ARMH3: variants seen among roughly 807,000 people sequenced by gnomAD.
ARMH3 encodes the protein armadillo-like helical domain-containing protein 3.
Under a neutral mutation model 99.1 loss-of-function variants are expected in ARMH3, and 60 were observed. The observed-to-expected ratio is 0.61, with a 90% CI of 0.49 to 0.75. The LOEUF (loss-of-function observed/expected upper bound fraction) is 0.75. ARMH3 is among the 30% of genes least tolerant of loss of function. The pLI is 0.00. For missense variants in ARMH3, 679 were observed against 843.1 expected, an observed-to-expected ratio of 0.81 and a Z score of 2.41; for synonymous variants, 285 against 292.8, an observed-to-expected ratio of 0.97 and a Z score of 0.27.
intron 5 of ARMH3, among the ~76,000 whole-genome samples, chr10:102,028,366 T>C (rs1487545225): frequency 1.3e-5 from 2 of 152,080 alleles, no homozygotes; most frequent in African/African-American, 4.8e-5. Context: ...TGGGTCAACA[T>C]AGCAAGACCT....
Position 101,846,343 on chromosome 10 carries a change from G to C in ARMH3, c.*1185C>G, listed in dbSNP as rs1265432357. On this transcript the variant is annotated 3_prime_UTR_variant, in exon 26 of 26. Coordinates refer to ENST00000370033, the MANE Select transcript of ARMH3 (RefSeq NM_024541.3). ...ACACGTGGAGGGGAGCTCAGCAGAG[G>C]CAGGAGAGGCTGCCAGAGGAGGGGG... The C allele has an allele frequency of 6.6e-6, 1 of 152,166 alleles. No individual in the cohort carries two copies. The highest frequency in any genetic ancestry group is 2.4e-5 in the African/African-American group (1 of 41,226). 9.4% of individuals were successfully genotyped at this position (152,166 alleles called of 1,614,324 possible).
At chr10:102,025,732 C>T (rs1590201917) in intron 5 of ARMH3, among the ~76,000 whole-genome samples, 1 of 152,186 alleles carries the variant, frequency 6.6e-6, no homozygotes, top group East Asian at 1.9e-4. Context: ...ACACTGCAAC[C>T]TCAAACTGCT....
intron 23 of ARMH3, among the ~76,000 whole-genome samples, chr10:101,909,412 C>G (rs1485422569): frequency 2.3e-5 from 3 of 133,330 alleles, no homozygotes; most frequent in African/African-American, 8.4e-5. Context: ...TAAACCCTAT[C>G]TCAAAAAAAA....
intron 24 of ARMH3, 22 bp downstream of exon 24, chr10:101,889,390 T>A (rs2067630835): frequency 6.3e-7 from 1 of 1,594,708 alleles, no homozygotes; most frequent in Non-Finnish European, 8.6e-7. Flanking sequence ...AACTAGGTCA[T>A]CTGGGGAAAG....
At chr10:101,889,255 A>G (rs1011492282) in intron 24 of ARMH3, among the ~76,000 whole-genome samples, 157 bp downstream of exon 24, 3 of 152,198 alleles carry the variant, frequency 2.0e-5, no homozygotes, top group Non-Finnish European at 2.9e-5. Context: ...CTCTGTATTA[A>G]AAGTACTATC....
intron 8 of ARMH3, among the ~76,000 whole-genome samples, chr10:102,016,010 C>A (rs1179174711): frequency 6.6e-6 from 1 of 152,166 alleles, no homozygotes; most frequent in Non-Finnish European, 1.5e-5. Context: ...TGGCACACGC[C>A]TGTAGTCCCA....
chr10:101,980,500 T>C (rs1564816068), intron 19 of ARMH3, among the ~76,000 whole-genome samples: 1 of 152,116 alleles, frequency 6.6e-6, no homozygotes, highest in Non-Finnish European at 1.5e-5. Context: ...GGTTTTACCA[T>C]GTTGGCCAGG....
chr10:102,026,502 A>G (rs972616575), intron 5 of ARMH3, among the ~76,000 whole-genome samples: 1 of 152,214 alleles, frequency 6.6e-6, no homozygotes, highest in Non-Finnish European at 1.5e-5. Context: ...GGAGTGAGTT[A>G]TATTTTGAAA....
At chr10:101,903,140 A>G (rs1320094136) in intron 23 of ARMH3, among the ~76,000 whole-genome samples, 1 of 152,248 alleles carries the variant, frequency 6.6e-6, no homozygotes, top group Non-Finnish European at 1.5e-5. Context: ...TGCTATAAGC[A>G]CTGTTTTAGA....
chr10:102,025,593 A>T (rs2066982597), intron 5 of ARMH3, among the ~76,000 whole-genome samples: 2 of 152,246 alleles, frequency 1.3e-5, no homozygotes, highest in South Asian at 4.1e-4. Flanking sequence ...GGAAGCAAAT[A>T]AAAAAAGGGA....
At chr10:102,020,558 C>T (rs1024744456) in intron 8 of ARMH3, among the ~76,000 whole-genome samples, 14 of 151,728 alleles carry the variant, frequency 9.2e-5, no homozygotes, top group South Asian at 4.2e-4. Context: ...TGGTGGCGGG[C>T]GCCTGTAGTC....
chr10:101,959,846 TCCC>T (rs1227678379), intron 20 of ARMH3, among the ~76,000 whole-genome samples: 1 of 152,042 alleles, frequency 6.6e-6, no homozygotes, highest in East Asian at 1.9e-4. Flanking sequence ...GATATTCTGC[TCCC>T]CCAAGAACCA....
At chr10:101,948,510 A>G (rs901726240) in intron 22 of ARMH3, among the ~76,000 whole-genome samples, 3 of 152,258 alleles carry the variant, frequency 2.0e-5, no homozygotes, top group Admixed American at 6.5e-5. Context: ...ACCTGGGTGA[A>G]GGAGGATATT....
At chr10:102,029,891 T>G (rs2067086421) in intron 4 of ARMH3, 146 bp from the exon 5 acceptor site, 3 of 870,776 alleles carry the variant, frequency 3.4e-6, no homozygotes, top group Admixed American at 5.9e-5. Context: ...TGAGTTTTTT[T>G]GGTTTTTTCC....
intron 23 of ARMH3, among the ~76,000 whole-genome samples, chr10:101,925,886 G>C (rs1843490397): frequency 6.6e-6 from 1 of 152,122 alleles, no homozygotes; most frequent in African/African-American, 2.4e-5. Flanking sequence ...ATTCCAGCCT[G>C]GGCAACAGAG....
chr10:101,850,090 C>CTTTTTTTT (rs754571008), intron 24 of ARMH3, among the ~76,000 whole-genome samples, 198 bp from the exon 25 acceptor site: 12 of 91,338 alleles, frequency 1.3e-4, no homozygotes, highest in South Asian at 4.3e-4. Flanking sequence ...CTCTCTCTCT[C>CTTTTTTTT]TTTTTTTTTT....
At position 101,956,582 on chromosome 10, in the gene ARMH3, G is replaced by A. The variant is rs752518171; in HGVS notation, c.1705+15C>T. ...CAAATGGTGGAGAGAGGAGTAAAAA[G>A]AAAAGGCAGCTTACCCATGGAGTAG... On this transcript the variant is annotated intron_variant, in intron 22 of 25. Transcript: ENST00000370033. 13 of 1,611,302 alleles carry A rather than the reference G, an allele frequency of 8.1e-6. No individual in the cohort carries two copies. In the South Asian group the frequency reaches 1.3e-4, roughly 16 times the overall value.
At chr10:101,994,418 T>C in intron 16 of ARMH3, among the ~76,000 whole-genome samples, 1 of 152,106 alleles carries the variant, frequency 6.6e-6, no homozygotes, top group East Asian at 1.9e-4. Flanking sequence ...AGATCTCTAC[T>C]TCATGTGGAA....
chr10:101,993,364 A>G lies in ARMH3; in HGVS notation c.1275+174T>C, dbSNP rs184972657. On this transcript the variant is annotated intron_variant, in intron 17 of 25. Transcript: ENST00000370033. ...AAACTCTTGATTAAGAAACAGCTCC[A>G]TGACACACAAAAATCCCAACAACAA... is the stretch of plus-strand genomic sequence containing the variant. 1.2e-3 allele frequency among the ~76,000 whole-genome samples: 180 copies of G among 152,210 alleles called. 1 individual carries two copies. Among genetic ancestry groups the G allele is most frequent in the African/African-American group, 4.0e-3 (167 of 41,558 alleles).
Sources: gnomAD v4.1 joint callset for allele counts (sites outside exome capture counted in the v4.1 genomes callset) on GRCh38, gnomAD v4.1.1 for gene constraint, MANE v1.5 for transcripts, NCBI Gene and HGNC (gene_info 2026-07-23, HGNC 2026-07-21) for gene names.